The following ARHGAP26 variants were observed in gnomAD, a reference collection of about 807,000 sequenced individuals.
ARHGAP26 encodes the protein Rho GTPase activating protein 26.
Under a neutral mutation model 104.8 loss-of-function variants are expected in ARHGAP26, and 38 were observed. The ratio of observed to expected loss-of-function variants is 0.36; its 90% CI spans 0.28 to 0.48. ARHGAP26 has a LOEUF of 0.48. Ranked by LOEUF, ARHGAP26 falls within the 20% of genes least tolerant of loss-of-function variation. The pLI, the probability that ARHGAP26 is intolerant of heterozygous loss-of-function variation, is 0.99. For synonymous variants in ARHGAP26, 341 were observed against 340.0 expected, an observed-to-expected ratio of 1.00 and a Z score of -0.03; for missense variants, 704 against 947.9, an observed-to-expected ratio of 0.74 and a Z score of 3.38.
At chr5:142,802,908 T>C (rs562723507) in intron 1 of ARHGAP26, among the ~76,000 whole-genome samples, 1 of 152,334 alleles carries the variant, frequency 6.6e-6, no homozygotes, top group African/African-American at 2.4e-5. Context: ...AAAATAATAC[T>C]TGGGCCTACC....
intron 10 of ARHGAP26, among the ~76,000 whole-genome samples, 191 bp downstream of exon 10, chr5:142,913,484 T>C (rs1762099258): frequency 6.6e-6 from 1 of 151,828 alleles, no homozygotes; most frequent in Non-Finnish European, 1.5e-5. Context: ...TCCAGGCTAT[T>C]GCTGATTTGC....
intron 1 of ARHGAP26, among the ~76,000 whole-genome samples, chr5:142,869,214 T>C (rs1269924946): frequency 5.4e-5 from 8 of 148,548 alleles, no homozygotes; most frequent in East Asian, 3.9e-4. Flanking sequence ...TTTTCTTTTT[T>C]TTTTTTTTTT....
At chr5:143,104,888 C>A (rs190997266) in intron 17 of ARHGAP26, among the ~76,000 whole-genome samples, 26 of 150,730 alleles carry the variant, frequency 1.7e-4, no homozygotes, top group East Asian at 1.4e-3. Context: ...GACACGTATA[C>A]CTTAAAACAT....
chr5:142,940,468 C>T (rs1269420411), intron 11 of ARHGAP26, among the ~76,000 whole-genome samples: 1 of 152,130 alleles, frequency 6.6e-6, no homozygotes, highest in Non-Finnish European at 1.5e-5. Flanking sequence ...CCTCTCCCTC[C>T]TCCCGCCCTC....
At chr5:143,128,997 G>A (rs17100033) in intron 18 of ARHGAP26, among the ~76,000 whole-genome samples, 15,165 of 152,184 alleles carry the variant, frequency 0.1, 1,429 homozygotes, top group African/African-American at 0.24. Context: ...GCAGGCGCAT[G>A]TGACAGATGG....
At chr5:143,143,667 A>G (rs1798824097) in intron 19 of ARHGAP26, among the ~76,000 whole-genome samples, 2 of 152,192 alleles carry the variant, frequency 1.3e-5, no homozygotes, top group East Asian at 1.9e-4. Flanking sequence ...ATTCCCTTAT[A>G]TTTAATATTT....
chr5:142,896,623 T>A (rs1759514345), intron 6 of ARHGAP26, among the ~76,000 whole-genome samples: 2 of 152,180 alleles, frequency 1.3e-5, no homozygotes. Flanking sequence ...AGAAAAGAAA[T>A]CTCTAAAGAT....
At chr5:143,139,516 G>A (rs573382241) in intron 19 of ARHGAP26, among the ~76,000 whole-genome samples, 1 of 152,292 alleles carries the variant, frequency 6.6e-6, no homozygotes, top group East Asian at 1.9e-4. Flanking sequence ...AAAACCATCT[G>A]TTCCAGCTTC....
At chr5:143,164,696 T>C (rs1801696405) in intron 20 of ARHGAP26, among the ~76,000 whole-genome samples, 1 of 152,204 alleles carries the variant, frequency 6.6e-6, no homozygotes, top group Admixed American at 6.5e-5. Context: ...TAGCTAGCTC[T>C]GAATTGGAGC....
chr5:143,220,669 G>T (rs1811019299), intron 22 of ARHGAP26, among the ~76,000 whole-genome samples: 1 of 152,168 alleles, frequency 6.6e-6, no homozygotes, highest in Admixed American at 6.5e-5. Context: ...TCTCTTGTGT[G>T]GGTTGTCATG....
At chr5:143,218,260 T>C (rs114278974) in intron 22 of ARHGAP26, among the ~76,000 whole-genome samples, 1 of 152,316 alleles carries the variant, frequency 6.6e-6, no homozygotes, top group African/African-American at 2.4e-5. Flanking sequence ...CCGTTGTACT[T>C]GCACTACCCA....
chr5:142,906,465 T>C (rs912157573), intron 8 of ARHGAP26, among the ~76,000 whole-genome samples: 1 of 152,228 alleles, frequency 6.6e-6, no homozygotes, highest in Admixed American at 6.5e-5. Flanking sequence ...AGTGTACTTA[T>C]GTAAGGAAGA....
intron 5 of ARHGAP26, among the ~76,000 whole-genome samples, chr5:142,890,208 TG>T: frequency 8.5e-6 from 1 of 118,102 alleles, no homozygotes; most frequent in Non-Finnish European, 1.7e-5. Flanking sequence ...GAAAGTGCAT[TG>T]CATTTAACCA....
intron 17 of ARHGAP26, among the ~76,000 whole-genome samples, chr5:143,065,509 A>G (rs1304065890): frequency 1.3e-5 from 2 of 152,226 alleles, no homozygotes; most frequent in African/African-American, 2.4e-5. Flanking sequence ...TCTGTAGCCA[A>G]ACTGCCTGAT....
chr5:143,071,949 G>A (rs1788334120), intron 17 of ARHGAP26, among the ~76,000 whole-genome samples: 1 of 151,984 alleles, frequency 6.6e-6, no homozygotes, highest in Admixed American at 6.6e-5. Flanking sequence ...AAGTCCCATT[G>A]TTAAAAGTCT....
rs756320507 is a variant in ARHGAP26 at position 143,028,963 on chromosome 5, G to T, written c.1145-8233G>T. On this transcript the variant is annotated intron_variant, in intron 12 of 22. Transcript: ENST00000645722. ...CTCCACAATAGAGAATGCACACCCA[G>T]ATAATTAAGAACCAGTTGGCCACCT... 3.3e-5 allele frequency among the ~76,000 whole-genome samples: 5 copies of T among 152,290 alleles called. No individual in the cohort carries two copies. In the South Asian group the frequency reaches 8.3e-4, roughly 25 times the overall value.
chr5:142,829,922 G>A (rs376062590), intron 1 of ARHGAP26, among the ~76,000 whole-genome samples: 1 of 152,228 alleles, frequency 6.6e-6, no homozygotes, highest in African/African-American at 2.4e-5. Context: ...CTAGGAAGTG[G>A]CAGAGGTTAG....
rs1345539096 is a variant in ARHGAP26 at position 143,207,518 on chromosome 5, C to A, written c.2099+210C>A. The A allele has an allele frequency of 2.5e-6, 4 of 1,603,494 alleles. No individual in the cohort carries two copies. The East Asian group carries it at 8.9e-5, about 36-fold the overall frequency. ...CCAATCTGTTCCCGTTTATCCAAAG[C>A]TGGCCAGGGACAACAGGGGGCTGCC... On this transcript the variant is annotated intron_variant, in intron 21 of 22. Transcript: ENST00000645722.
Position 142,775,398 on chromosome 5 carries a change from A to G in ARHGAP26, c.154+4483A>G, listed in dbSNP as rs543889819. 1.6e-3 allele frequency among the ~76,000 whole-genome samples: 240 copies of G among 152,288 alleles called. 1 individual carries two copies. Among genetic ancestry groups the G allele is most frequent in the African/African-American group, 5.7e-3 (235 of 41,568 alleles). On this transcript the variant is annotated intron_variant, in intron 1 of 22. Coordinates refer to ENST00000645722, the MANE Select transcript of ARHGAP26 (RefSeq NM_001135608.3). ...CATATTGCTTTCTTGCCATCTGCAT[A>G]TCTTCTTTGGTGAGGGGTCTTCAGA...
Sources: allele counts gnomAD v4.1 joint callset (sites outside exome capture counted in the v4.1 genomes callset), GRCh38; gene constraint gnomAD v4.1.1; transcripts MANE v1.5; gene names NCBI Gene and HGNC (gene_info 2026-07-23, HGNC 2026-07-21).